Variants in YEATS4 observed in about 807,000 individuals in gnomAD.
YEATS4 encodes the protein YEATS domain containing 4.
A neutral mutation model predicts 30.1 loss-of-function variants in YEATS4; 17 were observed. The observed-to-expected ratio is 0.56, with a 90% CI of 0.39 to 0.85. The LOEUF (loss-of-function observed/expected upper bound fraction) is 0.85, where lower values mean the gene tolerates loss of function less well. Among genes scored for constraint, YEATS4 ranks in the 40% least tolerant of loss-of-function variants. YEATS4 has a pLI of 0.00. For synonymous variants in YEATS4, 85 were observed against 87.5 expected (o/e 0.97, Z 0.16); for missense variants, 142 against 268.3 (o/e 0.53, Z 3.29).
intron 6 of YEATS4, among the ~76,000 whole-genome samples, chr12:69,381,751 C>G (rs912364513): frequency 2.0e-5 from 3 of 152,202 alleles, no homozygotes; most frequent in Non-Finnish European, 4.4e-5. Context: ...TCCCTCCGTT[C>G]GGGGTTCCTG....
rs372853030 is a variant in YEATS4 at position 69,386,103 on chromosome 12, A to G, written c.515-4044A>G. Among the ~76,000 whole-genome samples the G allele has an allele frequency of 2.6e-5, 4 of 152,306 alleles. No individual in the cohort carries two copies. The East Asian group carries it at 5.8e-4, about 22-fold the overall frequency. On this transcript the variant is annotated intron_variant, in intron 6 of 6. Transcript: ENST00000247843. ...AAAACAGAAACTTTTCTTTTTTTGT[A>G]TAAGCATTTAACACATAGGAAGCAG...
chr12:69,413,145 G>T, the YEATS4 span, among the ~76,000 whole-genome samples: 1 of 152,030 alleles, frequency 6.6e-6, no homozygotes, highest in South Asian at 2.1e-4. Flanking sequence ...TGGGTGTAGG[G>T]CTCATGCCTA....
At chr12:69,398,681 G>A in the YEATS4 span, among the ~76,000 whole-genome samples, 1 of 151,724 alleles carries the variant, frequency 6.6e-6, no homozygotes, top group Non-Finnish European at 1.5e-5. Flanking sequence ...TGGGCATGGT[G>A]GTGTGCACCT....
chr12:69,365,483 CA>C (rs1875391574), intron 2 of YEATS4, 149 bp from the exon 3 acceptor site: 4 of 595,760 alleles, frequency 6.7e-6, no homozygotes. Flanking sequence ...AATAACTTCC[CA>C]GGTGTAGTTC....
At chr12:69,375,277 G>A (rs1384823890) in intron 6 of YEATS4, among the ~76,000 whole-genome samples, 1 of 151,678 alleles carries the variant, frequency 6.6e-6, no homozygotes, top group African/African-American at 2.4e-5. Context: ...GTCGCGGCCG[G>A]GCAGAGGCGC....
At chr12:69,365,567 T>G in intron 2 of YEATS4, 66 bp from the exon 3 acceptor site, 2 of 1,132,748 alleles carry the variant, frequency 1.8e-6, no homozygotes, top group Non-Finnish European at 2.6e-6. Context: ...GTATATACGC[T>G]CAGTGTATTT....
At position 69,386,947 on chromosome 12, in the gene YEATS4, A is replaced by G. The variant is rs566368960; in HGVS notation, c.515-3200A>G. On this transcript the variant is annotated intron_variant, in intron 6 of 6. Coordinates refer to ENST00000247843, the MANE Select transcript of YEATS4 (RefSeq NM_006530.4). ...ACAACACTAATTAATAAAATAGAAC[A>G]TTATAACAATGAACTCTAATAAAAG... Among the ~76,000 whole-genome samples the G allele has an allele frequency of 4.1e-4, 62 of 152,344 alleles. 1 individual carries two copies. In the Middle Eastern group the frequency reaches 0.01, roughly 25 times the overall value.
Position 69,390,346 on chromosome 12 carries a change from TA to T in YEATS4, c.*33del. 2 of 1,519,392 alleles carry T rather than the reference TA, an allele frequency of 1.3e-6. No individual in the cohort carries two copies. The highest frequency in any genetic ancestry group is 8.8e-7 in the Non-Finnish European group (1 of 1,139,732). The allele number at this position is 1,519,392 out of a possible 1,614,324, so 94.1% of individuals were successfully genotyped here. On this transcript the variant is annotated 3_prime_UTR_variant, in exon 7 of 7. Coordinates refer to ENST00000247843, the MANE Select transcript of YEATS4 (RefSeq NM_006530.4). ...TTCTCATGAGAACTTGGTAGTAAGC[TA>T]AACTGAAAATAAGGTGGGCTTCACT...
At chr12:69,363,009 T>TTTTTTG (rs1875287117) in intron 2 of YEATS4, 102 bp downstream of exon 2, 1 of 826,392 alleles carries the variant, frequency 1.2e-6, no homozygotes. Context: ...TTTTTTTTTT[T>TTTTTTG]TGAGATGGAG....
At chr12:69,376,001 G>T (rs529639164) in intron 6 of YEATS4, among the ~76,000 whole-genome samples, 1 of 152,198 alleles carries the variant, frequency 6.6e-6, no homozygotes, top group African/African-American at 2.4e-5. Context: ...TTTGTATCCT[G>T]CAGTTTTACT....
At chr12:69,369,380 A>G (rs1158383253) in intron 4 of YEATS4, among the ~76,000 whole-genome samples, 1 of 152,160 alleles carries the variant, frequency 6.6e-6, no homozygotes, top group African/African-American at 2.4e-5. Flanking sequence ...GATATTGCCC[A>G]TCTGAAATGT....
At chr12:69,378,243 C>T (rs768670363) in intron 6 of YEATS4, among the ~76,000 whole-genome samples, 13 of 151,972 alleles carry the variant, frequency 8.6e-5, no homozygotes, top group Middle Eastern at 3.4e-3. Flanking sequence ...TTTCAGTCTA[C>T]GTGTGTCTTT....
At chr12:69,424,863 G>A in the YEATS4 span, among the ~76,000 whole-genome samples, 3 of 152,030 alleles carry the variant, frequency 2.0e-5, no homozygotes, top group African/African-American at 7.3e-5. Flanking sequence ...TTTCTTTATT[G>A]CAGTATGATA....
chr12:69,410,157 A>G, the YEATS4 span, among the ~76,000 whole-genome samples: 2 of 152,248 alleles, frequency 1.3e-5, no homozygotes, highest in East Asian at 3.8e-4. Context: ...AATGGTTTTT[A>G]GTAAATTTGC....
chr12:69,424,896 G>A, the YEATS4 span, among the ~76,000 whole-genome samples: 1 of 151,958 alleles, frequency 6.6e-6, no homozygotes, highest in Admixed American at 6.6e-5. Context: ...AAAGTCCCAG[G>A]GTCTTAGTAT....
chr12:69,379,681 TCCTC>T (rs1253998024), intron 6 of YEATS4, among the ~76,000 whole-genome samples: 2 of 142,516 alleles, frequency 1.4e-5, no homozygotes, highest in African/African-American at 2.6e-5. Context: ...GCTCAAGCAG[TCCTC>T]CCTCCTTGGC....
At chr12:69,364,095 T>A (rs1282073767) in intron 2 of YEATS4, 1 of 412,774 alleles carries the variant, frequency 2.4e-6, no homozygotes, top group African/African-American at 2.1e-5. Flanking sequence ...TGGATATGGC[T>A]TTCTTTTGTG....
the YEATS4 span, among the ~76,000 whole-genome samples, chr12:69,419,261 C>CCCAGGCTG: frequency 6.8e-6 from 1 of 147,010 alleles, no homozygotes; most frequent in Non-Finnish European, 1.5e-5. Flanking sequence ...CACTCTGTTG[C>CCCAGGCTG]CCAGGCTGGA....
the YEATS4 span, among the ~76,000 whole-genome samples, chr12:69,402,194 C>T: frequency 6.6e-6 from 1 of 152,180 alleles, no homozygotes; most frequent in Non-Finnish European, 1.5e-5. Flanking sequence ...CAGATCTTGG[C>T]TTTTCCTCTC....
Sources: gnomAD v4.1 joint callset for allele counts (sites outside exome capture counted in the v4.1 genomes callset) on GRCh38, gnomAD v4.1.1 for gene constraint, MANE v1.5 for transcripts, NCBI Gene and HGNC (gene_info 2026-07-23, HGNC 2026-07-21) for gene names.